ANKIB1: variants seen among roughly 807,000 people sequenced by gnomAD.
ANKIB1 encodes the protein ankyrin repeat and IBR domain containing 1.
In ANKIB1, 43 loss-of-function variants were observed where a neutral mutation model predicts 122.1. That is an observed-to-expected ratio of 0.35 (90% confidence interval 0.28 to 0.45). ANKIB1 has a LOEUF of 0.45. ANKIB1 is among the 20% of genes least tolerant of loss of function. The pLI, the probability that ANKIB1 is intolerant of heterozygous loss-of-function variation, is 1.00. For missense variants in ANKIB1, 992 were observed against 1,329.5 expected (o/e 0.75, Z 3.95); for synonymous variants, 390 against 442.0 (o/e 0.88, Z 1.48).
chr7:92,336,489 T>C (rs1313332340), intron 5 of ANKIB1, among the ~76,000 whole-genome samples: 2 of 152,196 alleles, frequency 1.3e-5, no homozygotes, highest in African/African-American at 4.8e-5. Flanking sequence ...TTGCATTTTC[T>C]GACATTTTCC....
chr7:92,395,569 G>A (rs939106354), intron 17 of ANKIB1, among the ~76,000 whole-genome samples: 2 of 131,730 alleles, frequency 1.5e-5, no homozygotes, highest in African/African-American at 2.9e-5. Flanking sequence ...TTGAGATGGA[G>A]TCTTGCTGTT....
chr7:92,255,057 T>G (rs2131875418), intron 1 of ANKIB1, among the ~76,000 whole-genome samples: 1 of 152,364 alleles, frequency 6.6e-6, no homozygotes, highest in Middle Eastern at 3.4e-3. Context: ...AAGATGTGAC[T>G]TGCTCCTCCT....
rs1401034932 is a variant in ANKIB1 at position 92,346,736 on chromosome 7, G to C, written c.1085+1670G>C. ...CTGAGCTCTACCAAGTTAGCTGTTG[G>C]TCTTGGTGTGTATATGAAAATTGAG... On this transcript the variant is annotated intron_variant, in intron 7 of 19. Coordinates refer to ENST00000265742, the MANE Select transcript of ANKIB1 (RefSeq NM_019004.2). Among the ~76,000 whole-genome samples, 3 of 152,128 alleles carry C rather than the reference G, an allele frequency of 2.0e-5. No individual in the cohort carries two copies. In the East Asian group the frequency reaches 5.8e-4, roughly 29 times the overall value.
chr7:92,276,345 C>T (rs974421817), intron 1 of ANKIB1, among the ~76,000 whole-genome samples: 1 of 152,198 alleles, frequency 6.6e-6, no homozygotes, highest in African/African-American at 2.4e-5. Flanking sequence ...CTGTGACAGA[C>T]ACAGACACTG....
intron 9 of ANKIB1, among the ~76,000 whole-genome samples, chr7:92,355,360 T>A (rs1803777393): frequency 6.6e-6 from 1 of 152,070 alleles, no homozygotes; most frequent in South Asian, 2.1e-4. Context: ...TTCACAGATT[T>A]GTTGTCAGAA....
In ANKIB1 at chr7:92,297,489, C is replaced by T. The variant is rs753272038; in HGVS notation, c.188+2323C>T. ...CTTGCTAATGTTTATTATTTCTCAC[C>T]GCTATAATCCTTAATATCTTTAAAT... On this transcript the variant is annotated intron_variant, in intron 2 of 19. Transcript: ENST00000265742. Among the ~76,000 whole-genome samples the T allele has an allele frequency of 2.5e-3, 374 of 152,204 alleles. 4 individuals carry two copies. Among genetic ancestry groups the T allele is most frequent in the Non-Finnish European group, 3.7e-3 (252 of 68,008 alleles).
chr7:92,288,122 A>C (rs189791601), intron 1 of ANKIB1, among the ~76,000 whole-genome samples: 1,910 of 152,136 alleles, frequency 0.013, 19 homozygotes, highest in Non-Finnish European at 0.017. Flanking sequence ...TGAAAAAAAA[A>C]CGAAATCTAG....
At chr7:92,286,099 C>A (rs1802117166) in intron 1 of ANKIB1, among the ~76,000 whole-genome samples, 1 of 152,152 alleles carries the variant, frequency 6.6e-6, no homozygotes, top group East Asian at 1.9e-4. Context: ...GACTGTAATA[C>A]CCCATGCCCT....
At chr7:92,277,307 G>A (rs888803889) in intron 1 of ANKIB1, among the ~76,000 whole-genome samples, 1 of 152,190 alleles carries the variant, frequency 6.6e-6, no homozygotes, top group South Asian at 2.1e-4. Context: ...CTCCAAACAG[G>A]ACATATGCAG....
At chr7:92,271,164 CT>C (rs571714934) in intron 1 of ANKIB1, among the ~76,000 whole-genome samples, 54 of 151,250 alleles carry the variant, frequency 3.6e-4, no homozygotes, top group Non-Finnish European at 6.6e-4. Flanking sequence ...GGTGACGGCA[CT>C]TTTTTTTTCC....
intron 3 of ANKIB1, among the ~76,000 whole-genome samples, chr7:92,313,702 C>G (rs1416144045): frequency 6.6e-6 from 1 of 152,036 alleles, no homozygotes; most frequent in Non-Finnish European, 1.5e-5. Context: ...GCTCTCAGAC[C>G]TGCAGCATCA....
At chr7:92,268,132 G>A (rs1359347477) in intron 1 of ANKIB1, among the ~76,000 whole-genome samples, 4 of 152,132 alleles carry the variant, frequency 2.6e-5, no homozygotes, top group African/African-American at 4.8e-5. Context: ...ACGTCAAGAA[G>A]GAAAGGGTTT....
chr7:92,385,466 A>C (rs998746671), intron 11 of ANKIB1, among the ~76,000 whole-genome samples: 1 of 152,174 alleles, frequency 6.6e-6, no homozygotes, highest in African/African-American at 2.4e-5. Context: ...CAATAGCAAA[A>C]ACTTGGAACC....
intron 1 of ANKIB1, among the ~76,000 whole-genome samples, chr7:92,271,093 T>C (rs998947099): frequency 1.3e-5 from 2 of 152,186 alleles, no homozygotes; most frequent in African/African-American, 4.8e-5. Flanking sequence ...GTTTTAAGTC[T>C]TGCTTTTCAA....
intron 3 of ANKIB1, among the ~76,000 whole-genome samples, chr7:92,311,834 T>C (rs1482585145): frequency 1.3e-5 from 2 of 152,158 alleles, no homozygotes; most frequent in African/African-American, 2.4e-5. Flanking sequence ...GCATTGGTTA[T>C]CTGTGTCTCT....
At chr7:92,256,011 G>T (rs1005893916) in intron 1 of ANKIB1, among the ~76,000 whole-genome samples, 1 of 152,164 alleles carries the variant, frequency 6.6e-6, no homozygotes, top group African/African-American at 2.4e-5. Flanking sequence ...GTTTTAGATG[G>T]TAAGTTGAGT....
intron 9 of ANKIB1, among the ~76,000 whole-genome samples, chr7:92,359,970 A>T (rs1803906664): frequency 6.6e-6 from 1 of 152,170 alleles, no homozygotes; most frequent in African/African-American, 2.4e-5. Flanking sequence ...AGTTGCTAGG[A>T]GCTCTGTAAA....
At chr7:92,338,084 TAAGTC>T (rs1408231742) in intron 5 of ANKIB1, among the ~76,000 whole-genome samples, 1 of 152,002 alleles carries the variant, frequency 6.6e-6, no homozygotes, top group Non-Finnish European at 1.5e-5. Context: ...AGGAGAACGA[TAAGTC>T]AAAGAAAAGG....
intron 7 of ANKIB1, among the ~76,000 whole-genome samples, chr7:92,348,375 G>A (rs1304471242): frequency 1.3e-5 from 2 of 149,774 alleles, no homozygotes; most frequent in Admixed American, 1.3e-4. Context: ...TCTACTTTTA[G>A]TCTTTAAGAC....
Sources: gnomAD v4.1 joint callset for allele counts (sites outside exome capture counted in the v4.1 genomes callset) on GRCh38, gnomAD v4.1.1 for gene constraint, MANE v1.5 for transcripts, NCBI Gene and HGNC (gene_info 2026-07-23, HGNC 2026-07-21) for gene names.